Variants in PVT1 observed in about 807,000 individuals in gnomAD.
PVT1 encodes the protein CXCR4/PVT1 fusion.
chr8:127,808,156 T>C (rs1814548502), intron 2 of PVT1, among the ~76,000 whole-genome samples: 1 of 152,180 alleles, frequency 6.6e-6, no homozygotes, highest in Admixed American at 6.6e-5. Context: ...CAAGCAATTC[T>C]GGTTCCTCAG....
chr8:127,888,452 G>A (rs1490206992), intron 2 of PVT1, among the ~76,000 whole-genome samples: 1 of 152,164 alleles, frequency 6.6e-6, no homozygotes, highest in East Asian at 1.9e-4. Context: ...GCAGAATAAC[G>A]TCCCCCTAAA....
intron 3 of PVT1, chr8:127,932,626 T>C (rs1816221736): frequency 7.5e-6 from 3 of 398,412 alleles, no homozygotes; most frequent in Non-Finnish European, 1.3e-5. Context: ...ACATGGTACC[T>C]GATGGACACC....
At chr8:127,840,953 TG>T (rs1233271268) in intron 2 of PVT1, among the ~76,000 whole-genome samples, 1 of 152,370 alleles carries the variant, frequency 6.6e-6, no homozygotes, top group Non-Finnish European at 1.5e-5. Flanking sequence ...TGTCAGGTTC[TG>T]CTGCTGTGAC....
At chr8:127,930,940 T>A (rs13265003) in intron 3 of PVT1, among the ~76,000 whole-genome samples, 42,225 of 152,012 alleles carry the variant, frequency 0.28, 6,504 homozygotes, top group Middle Eastern at 0.4. Context: ...TGAGACAGGG[T>A]CTTGCTCTGT....
At chr8:128,033,663 C>A (rs1308813822) in intron 4 of PVT1, among the ~76,000 whole-genome samples, 1 of 152,204 alleles carries the variant, frequency 6.6e-6, no homozygotes, top group African/African-American at 2.4e-5. Flanking sequence ...TGGGGCCTCA[C>A]CAGTTCAGCG....
intron 2 of PVT1, among the ~76,000 whole-genome samples, chr8:127,844,435 T>C (rs1276944952): frequency 2.0e-5 from 3 of 152,200 alleles, no homozygotes; most frequent in Non-Finnish European, 4.4e-5. Context: ...CCCTTGCCCA[T>C]GAGGCCTTAG....
chr8:127,834,426 G>A (rs892741204), intron 2 of PVT1, among the ~76,000 whole-genome samples: 1 of 151,936 alleles, frequency 6.6e-6, no homozygotes, highest in African/African-American at 2.4e-5. Flanking sequence ...AACTCAAGAT[G>A]GATTAAAGGC....
chr8:127,899,040 G>A lies in PVT1; in HGVS notation n.782+8042G>A, dbSNP rs574368111. Among the ~76,000 whole-genome samples the A allele has an allele frequency of 1.1e-4, 16 of 152,364 alleles. No individual in the cohort carries two copies. In the East Asian group the frequency reaches 3.1e-3, roughly 29 times the overall value. On this transcript the variant is annotated intron_variant and non_coding_transcript_variant, in intron 3 of 10. Coordinates refer to ENST00000651587, the Ensembl canonical transcript of PVT1. ...GGACTGGGTTCAGTGGGAGATGATGGCATAAACAAATAAACACTGGCTGGC... is the reference window on the plus strand; with the variant it reads ...GGACTGGGTTCAGTGGGAGATGATGACATAAACAAATAAACACTGGCTGGC...
intron 3 of PVT1, among the ~76,000 whole-genome samples, chr8:127,939,171 C>G (rs886535731): frequency 6.6e-6 from 1 of 152,222 alleles, no homozygotes; most frequent in African/African-American, 2.4e-5. Context: ...CTCTTCTCCC[C>G]TATCCTCACC....
chr8:127,953,328 A>G (rs182865147), intron 3 of PVT1, among the ~76,000 whole-genome samples: 1 of 152,290 alleles, frequency 6.6e-6, no homozygotes, highest in East Asian at 1.9e-4. Context: ...AAAATGAATG[A>G]ACAGATAGAT....
At chr8:127,954,750 G>C (rs543642789) in intron 3 of PVT1, among the ~76,000 whole-genome samples, 1 of 152,146 alleles carries the variant, frequency 6.6e-6, no homozygotes, top group Non-Finnish European at 1.5e-5. Context: ...CTCTGAGTTC[G>C]TGGATTCCTC....
chr8:128,054,942 G>A (rs1224313041), intron 4 of PVT1, among the ~76,000 whole-genome samples: 1 of 152,154 alleles, frequency 6.6e-6, no homozygotes, highest in Non-Finnish European at 1.5e-5. Context: ...TAATGTGGAT[G>A]GGCCTCATCC....
intron 3 of PVT1, among the ~76,000 whole-genome samples, chr8:127,933,402 G>C (rs996226786): frequency 6.6e-6 from 1 of 152,316 alleles, no homozygotes; most frequent in East Asian, 1.9e-4. Context: ...TAAAGTGCTT[G>C]TTGTGTGTTG....
chr8:128,069,148 G>A (rs994836973), intron 4 of PVT1, among the ~76,000 whole-genome samples: 5 of 152,158 alleles, frequency 3.3e-5, no homozygotes, highest in Admixed American at 1.3e-4. Flanking sequence ...ATTACATAAG[G>A]TATTGCGTCC....
intron 2 of PVT1, among the ~76,000 whole-genome samples, chr8:127,881,213 C>A (rs1200240793): frequency 3.3e-5 from 5 of 152,204 alleles, no homozygotes. Flanking sequence ...CCGAGTCTGA[C>A]TCGTGGGAGT....
At chr8:127,924,422 C>T (rs952579685) in intron 3 of PVT1, among the ~76,000 whole-genome samples, 7 of 152,012 alleles carry the variant, frequency 4.6e-5, no homozygotes, top group South Asian at 2.1e-4. Context: ...CTGCAACCTC[C>T]GCCTCCCGGG....
intron 5 of PVT1, among the ~76,000 whole-genome samples, chr8:128,075,549 A>G (rs1415187183): frequency 6.6e-6 from 1 of 152,184 alleles, no homozygotes; most frequent in East Asian, 1.9e-4. Flanking sequence ...TAGCTCACCC[A>G]TCTTCAATCC....
At chr8:127,978,541 C>T (rs1000279583) in intron 3 of PVT1, among the ~76,000 whole-genome samples, 13 of 151,834 alleles carry the variant, frequency 8.6e-5, no homozygotes, top group African/African-American at 2.9e-4. Context: ...AGTGCAGAGG[C>T]GGCACAATTT....
At chr8:127,833,813 G>A (rs1814879549) in intron 2 of PVT1, among the ~76,000 whole-genome samples, 1 of 152,098 alleles carries the variant, frequency 6.6e-6, no homozygotes, top group Admixed American at 6.6e-5. Flanking sequence ...CATTCCTGGG[G>A]GACACCATTG....
Sources: gnomAD v4.1 joint callset for allele counts (sites outside exome capture counted in the v4.1 genomes callset) on GRCh38, gnomAD v4.1.1 for gene constraint, MANE v1.5 for transcripts, NCBI Gene and HGNC (gene_info 2026-07-23, HGNC 2026-07-21) for gene names.